The following RNF130 variants were observed in gnomAD, a reference collection of about 807,000 sequenced individuals.
RNF130 encodes ring finger protein 130, also known as E3 ubiquitin-protein ligase RNF130.
RNF130 carries 21 observed loss-of-function variants against 44.6 expected under a neutral mutation model. That is an observed-to-expected ratio of 0.47 (90% confidence interval 0.33 to 0.68). RNF130 has a LOEUF of 0.68. RNF130 is among the 30% of genes least tolerant of loss of function. The pLI is 0.02. For missense variants in RNF130, 479 were observed against 560.6 expected, an observed-to-expected ratio of 0.85 and a Z score of 1.47; for synonymous variants, 214 against 210.4, an observed-to-expected ratio of 1.02 and a Z score of -0.15.
intron 2 of RNF130, among the ~76,000 whole-genome samples, chr5:180,029,852 C>CTTTTTT (rs11397024): frequency 6.9e-6 from 1 of 144,300 alleles, no homozygotes; most frequent in African/African-American, 2.6e-5. Flanking sequence ...CTATCCACCT[C>CTTTTTT]TTTTTTTTTT....
chr5:180,029,120 C>A (rs1203333431), intron 2 of RNF130, among the ~76,000 whole-genome samples: 2 of 152,144 alleles, frequency 1.3e-5, no homozygotes, highest in Non-Finnish European at 2.9e-5. Flanking sequence ...GACATTTATG[C>A]CAAATTCTTT....
At chr5:180,035,159 G>A (rs947307032) in intron 2 of RNF130, among the ~76,000 whole-genome samples, 1 of 152,086 alleles carries the variant, frequency 6.6e-6, no homozygotes, top group African/African-American at 2.4e-5. Flanking sequence ...ACTGACCTAG[G>A]TATTTAAAGC....
intron 7 of RNF130, among the ~76,000 whole-genome samples, chr5:179,938,468 G>A (rs893976790): frequency 8.6e-5 from 13 of 151,954 alleles, no homozygotes; most frequent in Admixed American, 6.6e-4. Flanking sequence ...TGATGAAAAC[G>A]TTTTGGAGCT....
intron 3 of RNF130, among the ~76,000 whole-genome samples, chr5:180,010,416 G>A (rs1032162728): frequency 5.9e-5 from 9 of 152,144 alleles, no homozygotes; most frequent in African/African-American, 2.2e-4. Context: ...CTGGAGTGCA[G>A]TGGTACGATC....
intron 3 of RNF130, among the ~76,000 whole-genome samples, chr5:179,997,933 C>T (rs149122811): frequency 6.5e-4 from 97 of 149,958 alleles, no homozygotes; most frequent in African/African-American, 2.4e-3. Context: ...CCTTTGCCTC[C>T]TGGGTTCAAG....
intron 1 of RNF130, among the ~76,000 whole-genome samples, chr5:180,051,350 C>T (rs1015058746): frequency 5.9e-5 from 9 of 151,762 alleles, no homozygotes; most frequent in South Asian, 2.1e-4. Context: ...CCCGGGTTGA[C>T]GCCATTCTCC....
chr5:179,962,423 T>C (rs1289537186), intron 8 of RNF130, among the ~76,000 whole-genome samples: 2 of 152,164 alleles, frequency 1.3e-5, no homozygotes, highest in South Asian at 2.1e-4. Flanking sequence ...CTGCATGAGG[T>C]AATCAGTTTG....
At chr5:179,944,749 C>G (rs959305739) in intron 7 of RNF130, among the ~76,000 whole-genome samples, 6 of 150,156 alleles carry the variant, frequency 4.0e-5, no homozygotes, top group Admixed American at 2.6e-4. Flanking sequence ...AAAGTGAGAC[C>G]CTGTCTCAAA....
At chr5:179,971,066 A>G (rs1243455739) in intron 5 of RNF130, among the ~76,000 whole-genome samples, 1 of 152,186 alleles carries the variant, frequency 6.6e-6, no homozygotes, top group Non-Finnish European at 1.5e-5. Context: ...AACACTCAGC[A>G]ATTTTCAGCT....
chr5:179,978,449 C>T (rs921258651), intron 4 of RNF130, among the ~76,000 whole-genome samples, 164 bp from the exon 5 acceptor site: 1 of 151,702 alleles, frequency 6.6e-6, no homozygotes, highest in African/African-American at 2.4e-5. Context: ...CTATATTGGC[C>T]CAAATTATGT....
intron 7 of RNF130, among the ~76,000 whole-genome samples, chr5:179,949,867 AAT>A (rs769091298): frequency 1.3e-4 from 20 of 152,192 alleles, no homozygotes; most frequent in Non-Finnish European, 2.6e-4. Flanking sequence ...AGCAATCTGT[AAT>A]CAATCGGATC....
intron 7 of RNF130, among the ~76,000 whole-genome samples, chr5:179,922,911 G>T (rs1374529794): frequency 6.6e-6 from 1 of 151,950 alleles, no homozygotes; most frequent in Non-Finnish European, 1.5e-5. Context: ...TCCAGCCTGT[G>T]CTACAGAAAA....
At chr5:179,968,715 G>A (rs1762511577) in intron 6 of RNF130, among the ~76,000 whole-genome samples, 1 of 151,646 alleles carries the variant, frequency 6.6e-6, no homozygotes, top group African/African-American at 2.4e-5. Context: ...ACTGTGCTAG[G>A]CATCATGGCA....
intron 3 of RNF130, among the ~76,000 whole-genome samples, chr5:179,991,063 G>A (rs1763071681): frequency 1.3e-5 from 2 of 152,170 alleles, no homozygotes; most frequent in Admixed American, 6.5e-5. Flanking sequence ...CACTTACGAA[G>A]TTTATTCTAG....
intron 7 of RNF130, among the ~76,000 whole-genome samples, chr5:179,931,123 C>T (rs925507856): frequency 6.6e-6 from 1 of 151,734 alleles, no homozygotes. Context: ...AACATGGTGA[C>T]CGCATGACTG....
chr5:180,045,514 G>T (rs1288773408), intron 1 of RNF130, among the ~76,000 whole-genome samples: 3 of 152,222 alleles, frequency 2.0e-5, no homozygotes, highest in Non-Finnish European at 4.4e-5. Flanking sequence ...AGCTCCCACA[G>T]CGCGGAAGTG....
chr5:180,010,963 A>G lies in RNF130; in HGVS notation c.693+2098T>C, dbSNP rs181759835. Reference sequence around the variant, plus strand: ...AAGATCAGTGGATTGCATCCATGCCAATTTCCAGGTTATGATACTGACCAC... The same window carrying G: ...AAGATCAGTGGATTGCATCCATGCCGATTTCCAGGTTATGATACTGACCAC... On this transcript the variant is annotated intron_variant, in intron 3 of 8. Coordinates refer to ENST00000521389, the MANE Select transcript of RNF130 (RefSeq NM_018434.6). Among the ~76,000 whole-genome samples, 10 of 152,330 alleles carry G rather than the reference A, an allele frequency of 6.6e-5. No homozygotes were observed. In the East Asian group the frequency reaches 1.5e-3, roughly 23 times the overall value.
At chr5:180,023,876 G>A (rs572069070) in intron 2 of RNF130, among the ~76,000 whole-genome samples, 348 of 152,330 alleles carry the variant, frequency 2.3e-3, no homozygotes, top group African/African-American at 8.1e-3. Flanking sequence ...ATATGGCAGG[G>A]GGAAAAGAGT....
chr5:180,058,093 T>TA (rs1764880783), intron 1 of RNF130, among the ~76,000 whole-genome samples: 1 of 152,082 alleles, frequency 6.6e-6, no homozygotes, highest in Non-Finnish European at 1.5e-5. Flanking sequence ...TACACATAAG[T>TA]TAAGGAACAG....
Sources: allele counts gnomAD v4.1 joint callset (sites outside exome capture counted in the v4.1 genomes callset), GRCh38; gene constraint gnomAD v4.1.1; transcripts MANE v1.5; gene names NCBI Gene and HGNC (gene_info 2026-07-23, HGNC 2026-07-21).